USH2A: variants seen among roughly 807,000 people sequenced by gnomAD.
USH2A encodes usherin.
A neutral mutation model predicts 538.9 loss-of-function variants in USH2A; 443 were observed. That is an observed-to-expected ratio of 0.82 (90% confidence interval 0.76 to 0.89). The LOEUF (loss-of-function observed/expected upper bound fraction) is 0.89, where lower values mean the gene tolerates loss of function less well. USH2A is among the 40% of genes least tolerant of loss of function. The probability of loss-of-function intolerance (pLI) is 0.00; values close to 1 mark genes in which losing one functional copy is unlikely to be tolerated. For missense variants in USH2A, 6,633 were observed against 6,324.8 expected, an observed-to-expected ratio of 1.05 and a Z score of -1.65; for synonymous variants, 2,413 against 2,273.5, an observed-to-expected ratio of 1.06 and a Z score of -1.75.
At chr1:216,329,446 G>A (rs2037808969) in intron 4 of USH2A, among the ~76,000 whole-genome samples, 1 of 151,978 alleles carries the variant, frequency 6.6e-6, no homozygotes, top group South Asian at 2.1e-4. Flanking sequence ...CTTTTATTTG[G>A]GGAATAGGAA....
chr1:216,093,015 G>A (rs1230211467), intron 22 of USH2A, among the ~76,000 whole-genome samples: 1 of 151,976 alleles, frequency 6.6e-6, no homozygotes, highest in East Asian at 1.9e-4. Flanking sequence ...ACCCAGGTTG[G>A]AGTGCAGTGG....
At chr1:216,386,967 C>T (rs915585175) in intron 3 of USH2A, among the ~76,000 whole-genome samples, 2 of 152,310 alleles carry the variant, frequency 1.3e-5, no homozygotes, top group African/African-American at 4.8e-5. Flanking sequence ...ACTCTAAGAA[C>T]TTTATCACAG....
chr1:215,742,006 T>G (rs958716481), intron 59 of USH2A, among the ~76,000 whole-genome samples: 1 of 152,202 alleles, frequency 6.6e-6, no homozygotes, highest in Non-Finnish European at 1.5e-5. Context: ...GTACCTCCAT[T>G]GCACAGTTTC....
At chr1:215,871,564 A>C (rs1664624543) in intron 43 of USH2A, among the ~76,000 whole-genome samples, 1 of 152,210 alleles carries the variant, frequency 6.6e-6, no homozygotes, top group African/African-American at 2.4e-5. Context: ...TTGCTTTTTC[A>C]TATTTAATAC....
chr1:216,294,215 A>G (rs1455318414), intron 9 of USH2A, among the ~76,000 whole-genome samples: 1 of 152,186 alleles, frequency 6.6e-6, no homozygotes, highest in Non-Finnish European at 1.5e-5. Flanking sequence ...AACTGAGTTT[A>G]GTATAACTAT....
intron 34 of USH2A, among the ~76,000 whole-genome samples, chr1:215,995,747 C>G (rs1387709709): frequency 6.6e-6 from 1 of 152,162 alleles, no homozygotes; most frequent in Non-Finnish European, 1.5e-5. Context: ...TTCTCAGTTA[C>G]AGCCATTTTG....
At chr1:216,050,612 T>TC (rs1558231944) in intron 30 of USH2A, among the ~76,000 whole-genome samples, 3 of 25,464 alleles carry the variant, frequency 1.2e-4, no homozygotes, top group African/African-American at 4.3e-4. Flanking sequence ...TTCTTTTTTT[T>TC]TTTTTTTTTT....
chr1:216,086,689 A>G (rs760208443), intron 24 of USH2A, 30 bp downstream of exon 24: 2 of 1,489,922 alleles, frequency 1.3e-6, no homozygotes, highest in South Asian at 1.1e-5. Flanking sequence ...AGTTTGGATG[A>G]CAACATATAA....
intron 27 of USH2A, among the ~76,000 whole-genome samples, chr1:216,076,091 T>C (rs1474197626): frequency 6.6e-6 from 1 of 152,190 alleles, no homozygotes; most frequent in Non-Finnish European, 1.5e-5. Flanking sequence ...GCTATTTATA[T>C]AGATCAGTGT....
At chr1:216,301,189 A>G (rs2037210178) in intron 9 of USH2A, among the ~76,000 whole-genome samples, 1 of 152,232 alleles carries the variant, frequency 6.6e-6, no homozygotes, top group Admixed American at 6.5e-5. Context: ...TTAAATGCCT[A>G]CTATGTATCT....
intron 38 of USH2A, among the ~76,000 whole-genome samples, chr1:215,903,302 T>G (rs1036052157): frequency 5.9e-5 from 9 of 151,826 alleles, no homozygotes; most frequent in Admixed American, 3.3e-4. Flanking sequence ...TGAGCTAAGG[T>G]TGTGAAGACA....
chr1:215,998,605 C>G (rs1192054427), intron 34 of USH2A, among the ~76,000 whole-genome samples: 2 of 152,000 alleles, frequency 1.3e-5, no homozygotes, highest in Non-Finnish European at 2.9e-5. Flanking sequence ...TTATGATGTT[C>G]TACAAGTAAT....
chr1:215,849,710 C>T (rs1389847867), intron 44 of USH2A, among the ~76,000 whole-genome samples: 1 of 151,822 alleles, frequency 6.6e-6, no homozygotes, highest in Non-Finnish European at 1.5e-5. Context: ...AAAGGTAAAC[C>T]AAAAATTAGG....
At chr1:216,365,173 T>G in intron 3 of USH2A, 88 bp from the exon 4 acceptor site, 2 of 1,438,478 alleles carry the variant, frequency 1.4e-6, no homozygotes, top group Non-Finnish European at 9.4e-7. Flanking sequence ...TTAAGTAACT[T>G]TCTTTCTTCT....
intron 49 of USH2A, among the ~76,000 whole-genome samples, chr1:215,807,266 G>A (rs1037243704): frequency 6.6e-6 from 1 of 152,138 alleles, no homozygotes; most frequent in African/African-American, 2.4e-5. Context: ...TTAGTTCAAT[G>A]AGACCCATTT....
At chr1:216,201,525 G>A (rs1299509766) in intron 16 of USH2A, 1 of 152,348 alleles carries the variant, frequency 6.6e-6, no homozygotes, top group Non-Finnish European at 1.5e-5. Flanking sequence ...TTTTGCCTAG[G>A]TTGGTCTTGA....
chr1:216,116,650 C>T (rs1401589455), intron 21 of USH2A, among the ~76,000 whole-genome samples: 2 of 152,094 alleles, frequency 1.3e-5, no homozygotes, highest in Non-Finnish European at 2.9e-5. Flanking sequence ...TTTCTTGTTG[C>T]ACTTTTAAAT....
chr1:215,984,653 C>A (rs1288844550), intron 35 of USH2A, among the ~76,000 whole-genome samples: 1 of 152,118 alleles, frequency 6.6e-6, no homozygotes, highest in African/African-American at 2.4e-5. Context: ...AATGCAAGTA[C>A]AATACAATGT....
At chr1:215,841,581 C>G (rs10864209) in intron 46 of USH2A, among the ~76,000 whole-genome samples, 1 of 152,074 alleles carries the variant, frequency 6.6e-6, no homozygotes. Context: ...AAACCCAAAA[C>G]TATAAAAATC....
Sources: gnomAD v4.1 joint callset for allele counts (sites outside exome capture counted in the v4.1 genomes callset) on GRCh38, gnomAD v4.1.1 for gene constraint, MANE v1.5 for transcripts, NCBI Gene and HGNC (gene_info 2026-07-23, HGNC 2026-07-21) for gene names.